Variants in NEDD4L observed in about 807,000 individuals in gnomAD.
NEDD4L encodes the protein NEDD4 like E3 ubiquitin protein ligase.
In NEDD4L, 54 loss-of-function variants were observed where a neutral mutation model predicts 148.9. The ratio of observed to expected loss-of-function variants is 0.36; its 90% CI spans 0.29 to 0.45. The LOEUF (loss-of-function observed/expected upper bound fraction) is 0.45, where lower values mean the gene tolerates loss of function less well. Among genes scored for constraint, NEDD4L ranks in the 20% least tolerant of loss-of-function variants. The probability of loss-of-function intolerance (pLI) is 1.00; values close to 1 mark genes in which losing one functional copy is unlikely to be tolerated. For missense variants in NEDD4L, 856 were observed against 1,233.8 expected (o/e 0.69, Z 4.59); for synonymous variants, 433 against 440.7 (o/e 0.98, Z 0.22).
At chr18:58,103,989 C>T (rs754514024) in intron 1 of NEDD4L, among the ~76,000 whole-genome samples, 1 of 152,242 alleles carries the variant, frequency 6.6e-6, no homozygotes, top group Admixed American at 6.5e-5. Context: ...CTTATTCAAA[C>T]TTACGGCTCC....
chr18:58,144,621 C>T (rs2033909680), intron 1 of NEDD4L, among the ~76,000 whole-genome samples: 1 of 151,916 alleles, frequency 6.6e-6, no homozygotes, highest in African/African-American at 2.4e-5. Context: ...TTTTAAAATA[C>T]TAAATGTTCT....
Position 58,056,894 on chromosome 18 carries a change from C to CTTTTTTTTTTTTTTT in NEDD4L, c.48+12188_48+12202dup, listed in dbSNP as rs74183230. Among the ~76,000 whole-genome samples the CTTTTTTTTTTTTTTT allele has an allele frequency of 1.6e-3, 191 of 121,484 alleles. 2 individuals carry two copies. Among genetic ancestry groups the CTTTTTTTTTTTTTTT allele is most frequent in the East Asian group, 6.3e-3 (22 of 3,502 alleles). The allele number at this position is 121,484 out of a possible 152,430, so 79.7% of individuals were successfully genotyped here. ...CCATGCCCAGCCAGAGCTATGCCCT[C>CTTTTTTTTTTTTTTT]TTTTTTTTTTTTTTTTGTTTGTTTG... On this transcript the variant is annotated intron_variant, in intron 1 of 30. Coordinates refer to ENST00000400345, the MANE Select transcript of NEDD4L (RefSeq NM_001144967.3).
chr18:58,060,328 G>T (rs1373967802), intron 1 of NEDD4L, among the ~76,000 whole-genome samples: 2 of 152,148 alleles, frequency 1.3e-5, no homozygotes, highest in Non-Finnish European at 2.9e-5. Context: ...TGCCCAGACT[G>T]GTCTCGAACC....
rs573327405 is a variant in NEDD4L, at chr18:58,194,659, A to T, written c.122+28798A>T. ...CTGTTTGTTTGACCGTTGTATGCAA[A>T]AATGATTTTAAAATTGGCCTCCCTA... On this transcript the variant is annotated intron_variant, in intron 2 of 30. Transcript: ENST00000400345. 2.0e-5 allele frequency among the ~76,000 whole-genome samples: 3 copies of T among 152,264 alleles called. No individual in the cohort carries two copies. The South Asian group carries it at 6.2e-4, about 32-fold the overall frequency.
intron 1 of NEDD4L, among the ~76,000 whole-genome samples, chr18:58,125,331 A>T (rs2030846371): frequency 6.6e-6 from 1 of 151,044 alleles, no homozygotes; most frequent in Non-Finnish European, 1.5e-5. Context: ...CTTAACTGTA[A>T]CACTGTCCTC....
chr18:58,229,464 T>TG (rs745724194), intron 2 of NEDD4L, among the ~76,000 whole-genome samples: 14 of 152,094 alleles, frequency 9.2e-5, no homozygotes, highest in African/African-American at 2.9e-4. Flanking sequence ...ATAACCTAGC[T>TG]GGGGGGGAGC....
chr18:58,089,435 G>A (rs888992538), intron 1 of NEDD4L, among the ~76,000 whole-genome samples: 11 of 152,004 alleles, frequency 7.2e-5, no homozygotes, highest in South Asian at 6.2e-4. Flanking sequence ...ATGCCTGGCC[G>A]TATTTCATAA....
intron 2 of NEDD4L, among the ~76,000 whole-genome samples, chr18:58,231,775 G>T (rs1196360590): frequency 2.0e-5 from 3 of 152,058 alleles, no homozygotes; most frequent in Non-Finnish European, 2.9e-5. Flanking sequence ...TGTTGGCCAG[G>T]CTGGTCTCGA....
At chr18:58,309,696 CAA>C (rs34644761) in intron 5 of NEDD4L, among the ~76,000 whole-genome samples, 46 of 137,156 alleles carry the variant, frequency 3.4e-4, no homozygotes, top group African/African-American at 6.7e-4. Context: ...GCTCCTCCTG[CAA>C]AAAAAAAAAA....
At chr18:58,169,585 G>A (rs933032591) in intron 2 of NEDD4L, among the ~76,000 whole-genome samples, 2 of 151,860 alleles carry the variant, frequency 1.3e-5, no homozygotes, top group East Asian at 3.9e-4. Context: ...AAAATAAAAA[G>A]CACCTTTTAA....
At chr18:58,370,488 C>T in intron 23 of NEDD4L, 21 bp downstream of exon 23, 1 of 1,499,452 alleles carries the variant, frequency 6.7e-7, no homozygotes, top group Non-Finnish European at 9.3e-7. Flanking sequence ...GCACGTCACA[C>T]ACTGGCCATC....
chr18:58,199,386 A>G (rs574710167), intron 2 of NEDD4L, among the ~76,000 whole-genome samples: 1 of 152,060 alleles, frequency 6.6e-6, no homozygotes, highest in East Asian at 1.9e-4. Flanking sequence ...GCTGGCAAGC[A>G]TCTAGTGTGT....
At chr18:58,358,293 G>A (rs1450773677) in intron 19 of NEDD4L, among the ~76,000 whole-genome samples, 1 of 152,156 alleles carries the variant, frequency 6.6e-6, no homozygotes, top group African/African-American at 2.4e-5. Flanking sequence ...TAGGCAAAGT[G>A]CCCAGTAGTA....
Position 58,122,313 on chromosome 18 carries a change from A to C in NEDD4L, c.49-43475A>C, listed in dbSNP as rs188961452. Among the ~76,000 whole-genome samples, 233 of 152,306 alleles carry C rather than the reference A, an allele frequency of 1.5e-3. 2 individuals are homozygous for C. The highest frequency in any genetic ancestry group is 3.1e-3 in the Admixed American group (47 of 15,298). On this transcript the variant is annotated intron_variant, in intron 1 of 30. Coordinates refer to ENST00000400345, the MANE Select transcript of NEDD4L (RefSeq NM_001144967.3). ...TCAGGAGTTCGAGACCAGTCTGGCCAACACGGTGAAACCCCGTCTCTACTA... is the reference window on the plus strand; with the variant it reads ...TCAGGAGTTCGAGACCAGTCTGGCCCACACGGTGAAACCCCGTCTCTACTA...
chr18:58,286,863 A>T (rs2053978543), intron 5 of NEDD4L, among the ~76,000 whole-genome samples: 1 of 152,234 alleles, frequency 6.6e-6, no homozygotes, highest in African/African-American at 2.4e-5. Flanking sequence ...CATAAACTGC[A>T]TTTGGAAATT....
In NEDD4L at chr18:58,396,256, A is replaced by C; in HGVS notation, c.2915A>C (p.Glu972Ala). 6.2e-7 allele frequency: 1 copy of C among 1,611,842 alleles called. No individual in the cohort carries two copies. The highest frequency in any genetic ancestry group is 8.5e-7 in the Non-Finnish European group (1 of 1,178,474). The change falls in exon 31 of 31, where the codon GAA (glutamate) becomes GCA (alanine). Residue 972 changes from glutamate to alanine, a missense_variant. Transcript: ENST00000400345. ...GCCGTGGAAAATGCTCAAGGATTTG[A>C]AGGGGTGGATTAAGCACCCTGTGCC... ...LMAVENAQGF[E>A]GVD is the part of the protein sequence containing the mutation.
At chr18:58,205,227 T>C (rs80054895) in intron 2 of NEDD4L, among the ~76,000 whole-genome samples, 3,619 of 152,344 alleles carry the variant, frequency 0.024, 56 homozygotes, top group Non-Finnish European at 0.036. Flanking sequence ...GGTCACCAGC[T>C]TCTAGCTAGC....
intron 2 of NEDD4L, among the ~76,000 whole-genome samples, chr18:58,243,880 C>T (rs1221023441): frequency 6.6e-6 from 1 of 151,964 alleles, no homozygotes; most frequent in African/African-American, 2.4e-5. Flanking sequence ...TATAACTGAA[C>T]AAATCATGTT....
At chr18:58,157,947 T>C (rs924561202) in intron 1 of NEDD4L, among the ~76,000 whole-genome samples, 3 of 152,242 alleles carry the variant, frequency 2.0e-5, no homozygotes, top group African/African-American at 7.2e-5. Flanking sequence ...TAGCAGCTTA[T>C]AAAGCAACAG....
Sources: gnomAD v4.1 joint callset for allele counts (sites outside exome capture counted in the v4.1 genomes callset) on GRCh38, gnomAD v4.1.1 for gene constraint, MANE v1.5 for transcripts, NCBI Gene and HGNC (gene_info 2026-07-23, HGNC 2026-07-21) for gene names.